PCDH15: variants seen among roughly 807,000 people sequenced by gnomAD.
The protein encoded by PCDH15 is protocadherin-15.
PCDH15 carries 129 observed loss-of-function variants against 178.5 expected under a neutral mutation model. The ratio of observed to expected loss-of-function variants is 0.72; its 90% CI spans 0.63 to 0.84. The LOEUF is 0.84. PCDH15 is among the 40% of genes least tolerant of loss of function. The pLI, the probability that PCDH15 is intolerant of heterozygous loss-of-function variation, is 0.00. For missense variants in PCDH15, 2,230 were observed against 2,099.9 expected (o/e 1.06, Z -1.21); for synonymous variants, 800 against 732.0 (o/e 1.09, Z -1.50).
At chr10:55,162,372 A>G (rs1483278079) in intron 2 of PCDH15, among the ~76,000 whole-genome samples, 1 of 152,152 alleles carries the variant, frequency 6.6e-6, no homozygotes, top group Admixed American at 6.6e-5. Flanking sequence ...AACAAAATGT[A>G]TTTTTTTCCA....
rs546814142 is a variant in PCDH15 at position 54,617,985 on chromosome 10, G to A, written c.91+46187C>T. Among the ~76,000 whole-genome samples, 3 of 151,634 alleles carry A rather than the reference G, an allele frequency of 2.0e-5. No homozygotes were observed. The Admixed American group carries it at 2.0e-4, about 10-fold the overall frequency. On this transcript the variant is annotated intron_variant, in intron 2 of 37. Coordinates refer to ENST00000644397, the MANE Select transcript of PCDH15 (RefSeq NM_001384140.1). ...AGGAGAAAGAGGAGGATATAGAATG[G>A]AATAAGAGTCACAGAATGAGAGTAT...
chr10:54,841,931 A>T (rs2133761944), intron 3 of PCDH15, among the ~76,000 whole-genome samples: 1 of 151,960 alleles, frequency 6.6e-6, no homozygotes, highest in African/African-American at 2.4e-5. Context: ...AACAATGTTT[A>T]TTTTTATATG....
intron 15 of PCDH15, among the ~76,000 whole-genome samples, chr10:54,102,138 C>G (rs1259823082): frequency 6.6e-6 from 1 of 152,102 alleles, no homozygotes; most frequent in Non-Finnish European, 1.5e-5. Context: ...TCACTAAGAA[C>G]AGCCTGTCTT....
chr10:55,608,000 A>C (rs1370115641), intron 2 of PCDH15, among the ~76,000 whole-genome samples: 2 of 152,064 alleles, frequency 1.3e-5, no homozygotes, highest in African/African-American at 2.4e-5. Context: ...CATTTATAAA[A>C]ATATCCAAGC....
At chr10:53,811,517 A>G (rs553460516) in intron 36 of PCDH15, 32 bp downstream of exon 36, 3 of 1,243,498 alleles carry the variant, frequency 2.4e-6, no homozygotes, top group South Asian at 1.7e-5. Context: ...TATTAAAATA[A>G]GAATCTGAAT....
chr10:54,155,932 T>C (rs12249403), intron 13 of PCDH15, among the ~76,000 whole-genome samples: 2,194 of 152,258 alleles, frequency 0.014, 61 homozygotes, highest in African/African-American at 0.051. Context: ...AATTCAATTA[T>C]AGTTCAATGA....
At chr10:54,395,105 C>A (rs1252432538) in intron 3 of PCDH15, among the ~76,000 whole-genome samples, 1 of 152,022 alleles carries the variant, frequency 6.6e-6, no homozygotes, top group Non-Finnish European at 1.5e-5. Flanking sequence ...TTACATCCTC[C>A]TCAGCTGACA....
At chr10:54,052,389 C>T (rs1462743556) in intron 18 of PCDH15, among the ~76,000 whole-genome samples, 1 of 152,224 alleles carries the variant, frequency 6.6e-6, no homozygotes, top group Non-Finnish European at 1.5e-5. Flanking sequence ...CTTGCATCAG[C>T]ATGACTTGTA....
chr10:54,102,176 C>G lies in PCDH15; in HGVS notation c.1918-12113G>C, dbSNP rs563774075. Among the ~76,000 whole-genome samples, 97 of 152,252 alleles carry G rather than the reference C, an allele frequency of 6.4e-4. 1 individual carries two copies. Among genetic ancestry groups the G allele is most frequent in the African/African-American group, 2.1e-3 (89 of 41,556 alleles). ...TCCCTTTCCAAAAACCTATTCAGCACAGCATAATGCAGGCATAGTCAAGAA... is the reference window on the plus strand; with the variant it reads ...TCCCTTTCCAAAAACCTATTCAGCAGAGCATAATGCAGGCATAGTCAAGAA... On this transcript the variant is annotated intron_variant, in intron 15 of 37. Coordinates refer to ENST00000644397, the MANE Select transcript of PCDH15 (RefSeq NM_001384140.1).
chr10:55,523,452 A>C lies in PCDH15; in HGVS notation c.-156+104173T>G, dbSNP rs1447456583. Among the ~76,000 whole-genome samples the C allele has an allele frequency of 2.0e-5, 3 of 151,684 alleles. No homozygotes were observed. The East Asian group carries it at 5.8e-4, about 29-fold the overall frequency. ...AAGTGTATATAATACTGCATTCTTA[A>C]ATCAAGTAAATTAACACGTCCATCA... On this transcript the variant is annotated intron_variant, in intron 2 of 5. Transcript: ENST00000613346.
At chr10:53,836,828 C>G (rs972524531) in intron 29 of PCDH15, among the ~76,000 whole-genome samples, 37 of 152,264 alleles carry the variant, frequency 2.4e-4, no homozygotes, top group African/African-American at 8.9e-4. Context: ...TTGGAACTGT[C>G]AGACAGGAAC....
At chr10:54,469,671 G>T (rs937839103) in intron 3 of PCDH15, among the ~76,000 whole-genome samples, 1 of 152,130 alleles carries the variant, frequency 6.6e-6, no homozygotes, top group African/African-American at 2.4e-5. Flanking sequence ...ATGTAAGCAG[G>T]TCTATGCAAT....
intron 3 of PCDH15, among the ~76,000 whole-genome samples, chr10:54,871,379 T>C (rs1368150740): frequency 6.9e-5 from 10 of 144,768 alleles, no homozygotes; most frequent in Non-Finnish European, 1.4e-4. Flanking sequence ...GTCTCAGAAA[T>C]AAGCTACTTG....
At chr10:54,501,869 G>T (rs2080725575) in intron 3 of PCDH15, among the ~76,000 whole-genome samples, 1 of 151,748 alleles carries the variant, frequency 6.6e-6, no homozygotes, top group Non-Finnish European at 1.5e-5. Context: ...TTCCCCCAAG[G>T]GTAAGAAAAT....
intron 18 of PCDH15, among the ~76,000 whole-genome samples, chr10:54,059,794 A>G (rs143662051): frequency 1.3e-4 from 20 of 152,338 alleles, no homozygotes; most frequent in African/African-American, 4.8e-4. Context: ...TGGTCATTGG[A>G]GAATCCTGTA....
chr10:54,630,882 G>C (rs1351209590), intron 2 of PCDH15, among the ~76,000 whole-genome samples: 1 of 152,076 alleles, frequency 6.6e-6, no homozygotes, highest in East Asian at 1.9e-4. Flanking sequence ...AGACTTACAA[G>C]CAGCCAACAA....
At chr10:54,611,656 T>C (rs906048156) in intron 2 of PCDH15, among the ~76,000 whole-genome samples, 2 of 151,742 alleles carry the variant, frequency 1.3e-5, no homozygotes, top group African/African-American at 4.8e-5. Context: ...AAGATAAATA[T>C]AAGAGAGCAA....
At chr10:55,266,754 A>T (rs1041359904) in intron 1 of PCDH15, among the ~76,000 whole-genome samples, 1 of 152,168 alleles carries the variant, frequency 6.6e-6, no homozygotes, top group Non-Finnish European at 1.5e-5. Context: ...CGACCAGCAG[A>T]ACCACACAGA....
intron 3 of PCDH15, among the ~76,000 whole-genome samples, chr10:54,476,806 A>T (rs1349022965): frequency 1.3e-5 from 2 of 152,146 alleles, no homozygotes; most frequent in Non-Finnish European, 2.9e-5. Context: ...GAACAAGCAT[A>T]CAGGCCCATC....
Sources: gnomAD v4.1 joint callset for allele counts (sites outside exome capture counted in the v4.1 genomes callset) on GRCh38, gnomAD v4.1.1 for gene constraint, MANE v1.5 for transcripts, NCBI Gene and HGNC (gene_info 2026-07-23, HGNC 2026-07-21) for gene names.